HFM1: variants seen among roughly 807,000 people sequenced by gnomAD.
HFM1 encodes the protein helicase for meiosis 1, also known as probable ATP-dependent DNA helicase HFM1.
Under a neutral mutation model 192.1 loss-of-function variants are expected in HFM1, and 169 were observed. That is an observed-to-expected ratio of 0.88 (90% CI 0.78 to 1.00). The LOEUF is 1.00. Among genes scored for constraint, HFM1 ranks in the 50% least tolerant of loss-of-function variants. The pLI is 0.00. For synonymous variants in HFM1, 525 were observed against 537.8 expected (o/e 0.98, Z 0.33); for missense variants, 1,661 against 1,668.0 (o/e 1.00, Z 0.07).
At chr1:91,303,164 T>C (rs1649099514) in intron 30 of HFM1, among the ~76,000 whole-genome samples, 1 of 152,164 alleles carries the variant, frequency 6.6e-6, no homozygotes, top group Admixed American at 6.5e-5. Flanking sequence ...ATAACTATTA[T>C]TAGTCATTCC....
intron 20 of HFM1, chr1:91,328,997 G>A: frequency 1.2e-6 from 2 of 1,612,602 alleles, no homozygotes; most frequent in Non-Finnish European, 1.7e-6. Flanking sequence ...GCCAATCCAG[G>A]AATTCCACCT....
chr1:91,363,427 A>C (rs953047491), intron 13 of HFM1, among the ~76,000 whole-genome samples: 2 of 152,030 alleles, frequency 1.3e-5, no homozygotes, highest in African/African-American at 4.8e-5. Flanking sequence ...CAATATTATG[A>C]AAAAAAGCTC....
At chr1:91,360,806 C>T (rs1304624071) in intron 13 of HFM1, among the ~76,000 whole-genome samples, 1 of 152,174 alleles carries the variant, frequency 6.6e-6, no homozygotes, top group Non-Finnish European at 1.5e-5. Flanking sequence ...TAAAACACTT[C>T]TCAGCAAATG....
At chr1:91,276,900 T>C (rs1666879751) in intron 31 of HFM1, 82 bp downstream of exon 31, 2 of 878,944 alleles carry the variant, frequency 2.3e-6, no homozygotes, top group East Asian at 2.6e-5. Flanking sequence ...ATAAATATCA[T>C]ACATAATTAG....
intron 35 of HFM1, among the ~76,000 whole-genome samples, chr1:91,266,988 A>G (rs1665825992): frequency 6.6e-6 from 1 of 152,296 alleles, no homozygotes; most frequent in Middle Eastern, 3.4e-3. Flanking sequence ...TTTTAAAAAC[A>G]TGAGGTGGGG....
At chr1:91,406,523 C>T (rs1664819067), upstream of HFM1, among the ~76,000 whole-genome samples, 1 of 152,090 alleles carries the variant, frequency 6.6e-6, no homozygotes, top group Non-Finnish European at 1.5e-5. Flanking sequence ...TAAAAGGAAG[C>T]CTCAGGACAG....
chr1:91,390,058 A>T (rs188456842), intron 4 of HFM1, among the ~76,000 whole-genome samples: 145 of 152,360 alleles, frequency 9.5e-4, no homozygotes, highest in African/African-American at 3.4e-3. Context: ...ACAAAAAGTG[A>T]AAACAACCCA....
chr1:91,278,986 G>A (rs985102738), intron 30 of HFM1, among the ~76,000 whole-genome samples: 7 of 151,870 alleles, frequency 4.6e-5, no homozygotes, highest in African/African-American at 1.7e-4. Flanking sequence ...TAACACAGAT[G>A]ACTACTATTT....
Position 91,378,168 on chromosome 1 carries a change from C to T in HFM1, c.1252G>A (p.Asp418Asn). 1 of 1,604,260 alleles carries T rather than the reference C, an allele frequency of 6.2e-7. No homozygotes were observed. The highest frequency in any genetic ancestry group is 8.5e-7 in the Non-Finnish European group (1 of 1,176,544). The change falls in exon 11 of 39, where the codon GAT (aspartate) becomes AAT (asparagine). Residue 418 changes from aspartate to asparagine, a missense_variant. By Grantham distance (23) the Asp-to-Asn change is conservative. Transcript: ENST00000370425. The part of the protein sequence containing the change: ...FLIDEVHIVK[D>N]ENRGPTLEVV... ...TCAAGAGTTGGACCACGATTTTCATCTTTTACAATATGTACCTAAGCAGGA... is the reference window on the plus strand; with the variant it reads ...TCAAGAGTTGGACCACGATTTTCATTTTTTACAATATGTACCTAAGCAGGA...
At chr1:91,353,200 T>C (rs1191161947) in intron 14 of HFM1, 48 bp from the exon 15 acceptor site, 1 of 1,554,550 alleles carries the variant, frequency 6.4e-7, no homozygotes, top group South Asian at 1.1e-5. Flanking sequence ...TCATCAATAA[T>C]TGGCACCTTT....
At chr1:91,404,091 G>T (rs1274127430) in intron 1 of HFM1, among the ~76,000 whole-genome samples, 1 of 152,160 alleles carries the variant, frequency 6.6e-6, no homozygotes, top group Non-Finnish European at 1.5e-5. Flanking sequence ...TAACTGCAGA[G>T]AATCTGACAA....
chr1:91,267,769 C>T lies in HFM1; in HGVS notation c.3859G>A (p.Asp1287Asn). Residue 1287 changes from aspartate to asparagine, a missense_variant, in exon 35 of 39, where the codon GAT (aspartate) becomes AAT (asparagine). Coordinates refer to ENST00000370425, the MANE Select transcript of HFM1 (RefSeq NM_001017975.6). ...CCTGATATTTTTGTCTTCTCAGTAT[C>T]AGTTGAAAAGCTAGTAACTTCTAAG... ...ENLEVTSFST[D>N]TEKTKISGFG... The T allele has an allele frequency of 6.6e-7, 1 of 1,525,122 alleles. No individual in the cohort carries two copies. Among genetic ancestry groups the T allele is most frequent in the Non-Finnish European group, 8.9e-7 (1 of 1,123,140 alleles). 94.5% of individuals were successfully genotyped at this position (1,525,122 alleles called of 1,614,324 possible).
chr1:91,355,181 C>T (rs1242029908), intron 13 of HFM1, among the ~76,000 whole-genome samples: 5 of 151,994 alleles, frequency 3.3e-5, no homozygotes, highest in African/African-American at 1.2e-4. Flanking sequence ...TTACGTAAGC[C>T]TTGTGGTAAC....
At chr1:91,381,450 CTT>C (rs1661543803) in intron 6 of HFM1, among the ~76,000 whole-genome samples, 1 of 152,118 alleles carries the variant, frequency 6.6e-6, no homozygotes, top group African/African-American at 2.4e-5. Flanking sequence ...TACCAAATCT[CTT>C]TGTTTTTGAT....
At chr1:91,350,713 A>G (rs199948494) in intron 18 of HFM1, 25 bp downstream of exon 18, 374 of 1,607,436 alleles carry the variant, frequency 2.3e-4, no homozygotes, top group Non-Finnish European at 2.9e-4. Flanking sequence ...AAAAATTACT[A>G]CTTTTCCAAG....
At chr1:91,368,412 T>C (rs1394678299) in intron 13 of HFM1, among the ~76,000 whole-genome samples, 1 of 152,198 alleles carries the variant, frequency 6.6e-6, no homozygotes, top group Non-Finnish European at 1.5e-5. Context: ...GCAGAAACTC[T>C]ACAAACCAGA....
chr1:91,406,043 G>T (rs1664792595), upstream of HFM1, among the ~76,000 whole-genome samples: 1 of 152,224 alleles, frequency 6.6e-6, no homozygotes, highest in Non-Finnish European at 1.5e-5. Flanking sequence ...TGGGACTTTT[G>T]TGAGGTAATT....
Position 91,315,928 on chromosome 1 carries a change from A to C in HFM1, c.3027T>G (p.Val1009=). 1 of 1,595,078 alleles carries C rather than the reference A, an allele frequency of 6.3e-7. No individual in the cohort carries two copies. ...GTAGCTGTTCAAAATTTCTTAATAT[A>C]ACAGTCACTAATATTTCTGCCGTCG... ...SDTTAEILVT[V]ILRNFEQLQT... Residue 1009 remains valine (V), a synonymous_variant, in exon 28 of 39, where the codon GTT becomes GTG. Transcript: ENST00000370425.
At chr1:91,333,510 A>AT (rs1367988574) in intron 20 of HFM1, among the ~76,000 whole-genome samples, 1 of 145,570 alleles carries the variant, frequency 6.9e-6, no homozygotes, top group Non-Finnish European at 1.6e-5. Flanking sequence ...GGGTACAAAA[A>AT]TAAAAAAAAA....
Sources: gnomAD v4.1 joint callset for allele counts (sites outside exome capture counted in the v4.1 genomes callset) on GRCh38, gnomAD v4.1.1 for gene constraint, MANE v1.5 for transcripts, NCBI Gene and HGNC (gene_info 2026-07-23, HGNC 2026-07-21) for gene names.